The following TANC1 variants were observed in gnomAD, a reference collection of about 807,000 sequenced individuals.
TANC1 encodes protein TANC1.
TANC1 carries 77 observed loss-of-function variants against 149.7 expected under a neutral mutation model. That is an observed-to-expected ratio of 0.51 (90% CI 0.43 to 0.62). TANC1 has a LOEUF of 0.62. TANC1 is among the 20% of genes least tolerant of loss of function. The pLI, the probability that TANC1 is intolerant of heterozygous loss-of-function variation, is 0.00. For missense variants in TANC1, 1,985 were observed against 2,321.8 expected, an observed-to-expected ratio of 0.85 and a Z score of 2.98; for synonymous variants, 854 against 925.0, an observed-to-expected ratio of 0.92 and a Z score of 1.39.
intron 1 of TANC1, among the ~76,000 whole-genome samples, chr2:158,999,539 G>A (rs930956544): frequency 1.3e-5 from 2 of 152,202 alleles, no homozygotes; most frequent in Non-Finnish European, 2.9e-5. Flanking sequence ...ACCTAAGCCA[G>A]TGTCAGCTGG....
chr2:159,013,067 A>G (rs1335229267), intron 2 of TANC1, among the ~76,000 whole-genome samples: 1 of 152,216 alleles, frequency 6.6e-6, no homozygotes, highest in Admixed American at 6.5e-5. Context: ...TCTTCCAAGA[A>G]AAATTGAAGA....
chr2:159,136,075 G>A, intron 4 of TANC1, 119 bp from the exon 5 acceptor site: 1 of 592,760 alleles, frequency 1.7e-6, no homozygotes, highest in Non-Finnish European at 3.1e-6. Context: ...TAAGGGAGGG[G>A]AAGGCACTGG....
At chr2:159,219,909 A>G (rs1220243522) in intron 22 of TANC1, 42 bp downstream of exon 22, 1 of 1,605,376 alleles carries the variant, frequency 6.2e-7, no homozygotes, top group Non-Finnish European at 8.5e-7. Context: ...CTGCATTGGA[A>G]AGAAACCCCA....
chr2:159,035,067 C>CT (rs1314317702), intron 2 of TANC1, among the ~76,000 whole-genome samples: 4 of 152,126 alleles, frequency 2.6e-5, no homozygotes, highest in African/African-American at 9.7e-5. Context: ...AGGCCCAGTG[C>CT]TAGGCTTTAG....
At chr2:158,989,980 A>G (rs968744456) in intron 1 of TANC1, among the ~76,000 whole-genome samples, 4 of 151,640 alleles carry the variant, frequency 2.6e-5, no homozygotes, top group Non-Finnish European at 4.4e-5. Flanking sequence ...CAGTGATACA[A>G]TCTCGGTTCA....
Position 159,008,610 on chromosome 2 carries a change from T to G in TANC1, c.-16+7421T>G, listed in dbSNP as rs559412607. Among the ~76,000 whole-genome samples the G allele has an allele frequency of 2.2e-4, 33 of 152,294 alleles. 1 individual carries two copies. The highest frequency in any genetic ancestry group is 7.7e-4 in the African/African-American group (32 of 41,566). On this transcript the variant is annotated intron_variant, in intron 2 of 26. Coordinates refer to ENST00000263635, the MANE Select transcript of TANC1 (RefSeq NM_033394.3). Reference sequence around the variant, plus strand: ...AGCAAAGTGCGAGACCATGAGAGGATTTTTTCTTGATATGCTAGACTCATA... The same window carrying G: ...AGCAAAGTGCGAGACCATGAGAGGAGTTTTTCTTGATATGCTAGACTCATA...
chr2:159,067,375 G>GA (rs2042763732), intron 3 of TANC1, among the ~76,000 whole-genome samples: 1 of 152,166 alleles, frequency 6.6e-6, no homozygotes, highest in African/African-American at 2.4e-5. Flanking sequence ...AGACACCAAA[G>GA]AAAAGGAGAA....
intron 2 of TANC1, among the ~76,000 whole-genome samples, chr2:159,018,737 A>G (rs2038520305): frequency 6.6e-6 from 1 of 151,612 alleles, no homozygotes; most frequent in Non-Finnish European, 1.5e-5. Context: ...GTAGAATCTC[A>G]TATTCGTCCC....
intron 3 of TANC1, among the ~76,000 whole-genome samples, chr2:159,088,560 CCT>C (rs199885460): frequency 0.027 from 4,097 of 152,154 alleles, 83 homozygotes; most frequent in Non-Finnish European, 0.043. Flanking sequence ...GTATAGAATG[CCT>C]TAGTCTGTAG....
intron 2 of TANC1, among the ~76,000 whole-genome samples, chr2:159,064,538 G>A (rs1248733994): frequency 6.6e-6 from 1 of 152,184 alleles, no homozygotes; most frequent in Non-Finnish European, 1.5e-5. Flanking sequence ...TGGTCCTGCT[G>A]GGCTGCTGCA....
At chr2:159,054,317 G>A (rs1156595927) in intron 2 of TANC1, among the ~76,000 whole-genome samples, 1 of 152,156 alleles carries the variant, frequency 6.6e-6, no homozygotes, top group African/African-American at 2.4e-5. Context: ...GATTTAATCA[G>A]TATATGCATG....
intron 2 of TANC1, among the ~76,000 whole-genome samples, chr2:159,063,800 G>C (rs968998120): frequency 6.6e-6 from 1 of 152,152 alleles, no homozygotes; most frequent in Non-Finnish European, 1.5e-5. Flanking sequence ...CAGGGTGTCT[G>C]GGATGAGATA....
At chr2:159,209,780 A>G (rs1396760398) in intron 19 of TANC1, among the ~76,000 whole-genome samples, 3 of 152,172 alleles carry the variant, frequency 2.0e-5, no homozygotes, top group Non-Finnish European at 4.4e-5. Flanking sequence ...CTCTGCCTTT[A>G]CAGTTGAGCA....
At chr2:159,048,003 T>C (rs937863042) in intron 2 of TANC1, among the ~76,000 whole-genome samples, 4 of 152,216 alleles carry the variant, frequency 2.6e-5, no homozygotes, top group Admixed American at 6.5e-5. Flanking sequence ...TATTTCTGAT[T>C]TTTTTTCACA....
At chr2:159,203,400 TTTCAC>T (rs2058387198) in intron 19 of TANC1, among the ~76,000 whole-genome samples, 1 of 151,244 alleles carries the variant, frequency 6.6e-6, no homozygotes, top group African/African-American at 2.4e-5. Context: ...AGAGATGGGG[TTTCAC>T]TGTATTGGCC....
At chr2:159,117,520 C>T (rs1006372261) in intron 4 of TANC1, among the ~76,000 whole-genome samples, 3 of 151,910 alleles carry the variant, frequency 2.0e-5, no homozygotes, top group Non-Finnish European at 2.9e-5. Context: ...CTCAGCCTCC[C>T]GAGTAGCTGT....
chr2:159,225,831 C>T, intron 24 of TANC1, 52 bp downstream of exon 24: 1 of 1,333,828 alleles, frequency 7.5e-7, no homozygotes, highest in Non-Finnish European at 1.1e-6. Flanking sequence ...GGAGCACCCT[C>T]TTAATTGGGT....
At chr2:159,101,256 G>A (rs1057308268) in intron 4 of TANC1, among the ~76,000 whole-genome samples, 1 of 152,136 alleles carries the variant, frequency 6.6e-6, no homozygotes, top group Admixed American at 6.5e-5. Flanking sequence ...TTAGGGACTG[G>A]AACAATTATT....
At chr2:159,227,691 T>C in intron 24 of TANC1, 128 bp from the exon 25 acceptor site, 1 of 1,028,616 alleles carries the variant, frequency 9.7e-7, no homozygotes, top group South Asian at 1.5e-5. Flanking sequence ...GACACTTGTT[T>C]GGATGCTTTC....
Sources: allele counts gnomAD v4.1 joint callset (sites outside exome capture counted in the v4.1 genomes callset), GRCh38; gene constraint gnomAD v4.1.1; transcripts MANE v1.5; gene names NCBI Gene and HGNC (gene_info 2026-07-23, HGNC 2026-07-21).